FUT9: variants seen among roughly 807,000 people sequenced by gnomAD.
FUT9 encodes the protein 4-galactosyl-N-acetylglucosaminide 3-alpha-L-fucosyltransferase 9.
FUT9 carries 15 observed loss-of-function variants against 29.7 expected under a neutral mutation model. The observed-to-expected ratio is 0.51, with a 90% CI of 0.34 to 0.78. The LOEUF is 0.78. FUT9 is among the 30% of genes least tolerant of loss of function. The pLI, the probability that FUT9 is intolerant of heterozygous loss-of-function variation, is 0.01. For synonymous variants in FUT9, 169 were observed against 153.7 expected (o/e 1.10, Z -0.74); for missense variants, 319 against 425.4 (o/e 0.75, Z 2.20).
intron 1 of FUT9, among the ~76,000 whole-genome samples, chr6:96,040,810 C>A (rs962017837): frequency 6.6e-6 from 1 of 152,008 alleles, no homozygotes; most frequent in African/African-American, 2.4e-5. Flanking sequence ...GTAACATTCA[C>A]CAAGACACTG....
intron 2 of FUT9, among the ~76,000 whole-genome samples, chr6:96,129,280 AAAAAAAAAAAAAC>A (rs1424003133): frequency 1.5e-4 from 13 of 85,178 alleles, no homozygotes; most frequent in South Asian, 1.2e-3. Flanking sequence ...AAAAAAAAAA[AAAAAAAAAAAAAC>A]AAACAACCAG....
chr6:96,180,603 C>G (rs1223722629), intron 2 of FUT9, among the ~76,000 whole-genome samples: 1 of 151,944 alleles, frequency 6.6e-6, no homozygotes, highest in Non-Finnish European at 1.5e-5. Flanking sequence ...AATTCACCAA[C>G]CTTTGGCTAT....
At chr6:96,022,508 T>A (rs760957645) in intron 1 of FUT9, among the ~76,000 whole-genome samples, 21 of 152,106 alleles carry the variant, frequency 1.4e-4, no homozygotes, top group Admixed American at 9.2e-4. Context: ...GTAGTTTTTT[T>A]GCTTTTGTTA....
intron 1 of FUT9, among the ~76,000 whole-genome samples, chr6:96,018,391 T>C (rs1249395345): frequency 6.6e-6 from 1 of 152,148 alleles, no homozygotes; most frequent in African/African-American, 2.4e-5. Flanking sequence ...CTCAGAATTA[T>C]CTATGAGAAT....
rs527421412 is a variant in FUT9 at position 96,093,470 on chromosome 6, G to A, written c.-97-20569G>A. 2.4e-3 allele frequency among the ~76,000 whole-genome samples: 363 copies of A among 152,084 alleles called. 1 individual carries two copies. The highest frequency in any genetic ancestry group is 8.6e-3 in the African/African-American group (355 of 41,512). On this transcript the variant is annotated intron_variant, in intron 1 of 2. Transcript: ENST00000302103. ...ATTGACAGTATCCTCTAGAAGTATG[G>A]GCATTGAAGCATTTAAGACCAGAGG...
chr6:96,109,317 C>T (rs1253625142), intron 1 of FUT9, among the ~76,000 whole-genome samples: 1 of 152,020 alleles, frequency 6.6e-6, no homozygotes, highest in African/African-American at 2.4e-5. Context: ...TTTCTTTGTT[C>T]TTTTATATTT....
intron 1 of FUT9, among the ~76,000 whole-genome samples, chr6:96,024,249 T>C (rs1426831151): frequency 6.6e-6 from 1 of 151,838 alleles, no homozygotes; most frequent in Non-Finnish European, 1.5e-5. Context: ...CCCAACATTC[T>C]TGGATAGGTG....
intron 2 of FUT9, among the ~76,000 whole-genome samples, chr6:96,171,506 T>C (rs1272973513): frequency 2.0e-5 from 3 of 150,738 alleles, no homozygotes; most frequent in Admixed American, 2.0e-4. Flanking sequence ...GACACAATAG[T>C]TGTCTGAGAC....
chr6:96,038,400 C>T (rs1339948260), intron 1 of FUT9, among the ~76,000 whole-genome samples: 1 of 152,118 alleles, frequency 6.6e-6, no homozygotes, highest in Non-Finnish European at 1.5e-5. Context: ...AGCCAAAACC[C>T]ATTTTTAATT....
In FUT9 at chr6:96,091,425, G is replaced by T. The variant is rs558306706; in HGVS notation, c.-97-22614G>T. On this transcript the variant is annotated intron_variant, in intron 1 of 2. Transcript: ENST00000302103. ...GACTAATGAGTCAATAACAACGCAT[G>T]AATCTTCATTATCATATCTTGGATC... Among the ~76,000 whole-genome samples, 6 of 152,128 alleles carry T rather than the reference G, an allele frequency of 3.9e-5. No individual in the cohort carries two copies. The South Asian group carries it at 1.0e-3, about 26-fold the overall frequency.
At position 96,134,660 on chromosome 6, in the gene FUT9, G is replaced by A. The variant is rs542169806; in HGVS notation, c.-9+20533G>A. 1.0e-3 allele frequency among the ~76,000 whole-genome samples: 156 copies of A among 151,672 alleles called. 1 individual carries two copies. The highest frequency in any genetic ancestry group is 3.4e-3 in the African/African-American group (140 of 41,442). ...ACAATAATTATTACAATAATCCCACGAAACAGATACATCATTAACTACATT... is the reference window on the plus strand; with the variant it reads ...ACAATAATTATTACAATAATCCCACAAAACAGATACATCATTAACTACATT... On this transcript the variant is annotated intron_variant, in intron 2 of 2. Coordinates refer to ENST00000302103, the MANE Select transcript of FUT9 (RefSeq NM_006581.4).
chr6:96,147,791 C>A (rs892833019), intron 2 of FUT9, among the ~76,000 whole-genome samples: 2 of 150,722 alleles, frequency 1.3e-5, no homozygotes, highest in African/African-American at 4.9e-5. Context: ...GACATCCAGC[C>A]ATGACGGATT....
At chr6:96,081,983 C>T (rs2127951074) in intron 1 of FUT9, among the ~76,000 whole-genome samples, 1 of 151,764 alleles carries the variant, frequency 6.6e-6, no homozygotes, top group South Asian at 2.1e-4. Flanking sequence ...CTGAAATGTA[C>T]ATTTGGTCAT....
intron 1 of FUT9, among the ~76,000 whole-genome samples, chr6:96,085,105 G>A (rs942906571): frequency 1.3e-5 from 2 of 152,070 alleles, no homozygotes; most frequent in Non-Finnish European, 2.9e-5. Context: ...TAAAAATACA[G>A]TACAGCAAAA....
Position 96,203,647 on chromosome 6 carries a change from C to A in FUT9, c.492C>A (p.Ile164=). The A allele has an allele frequency of 1.9e-6, 3 of 1,614,002 alleles. No homozygotes were observed. The highest frequency in any genetic ancestry group is 1.1e-5 in the South Asian group (1 of 91,086). ...LTLTYRRDSD[I]QVPYGFLTVS... is the part of the protein sequence containing the mutation. Reference sequence around the variant, plus strand: ...TGACTTACCGCCGTGATTCAGATATCCAAGTGCCTTATGGCTTCTTGACGG... The same window carrying A: ...TGACTTACCGCCGTGATTCAGATATACAAGTGCCTTATGGCTTCTTGACGG... The change falls in exon 3 of 3, where the codon ATC becomes ATA. Residue 164 remains isoleucine (I), a synonymous_variant. Transcript: ENST00000302103.
chr6:96,166,572 A>G (rs1773019723), intron 2 of FUT9, among the ~76,000 whole-genome samples: 1 of 152,156 alleles, frequency 6.6e-6, no homozygotes, highest in Non-Finnish European at 1.5e-5. Context: ...TAATTCTGGA[A>G]TGCCATTGGT....
chr6:96,153,176 C>T (rs4240599), intron 2 of FUT9, among the ~76,000 whole-genome samples: 138,799 of 152,200 alleles, frequency 0.91, 64,656 homozygotes, highest in Non-Finnish European at 1. Flanking sequence ...GTTGGCAAGA[C>T]AAATTTTTAA....
chr6:96,024,058 T>C (rs1187517832), intron 1 of FUT9, among the ~76,000 whole-genome samples: 1 of 151,864 alleles, frequency 6.6e-6, no homozygotes, highest in Non-Finnish European at 1.5e-5. Flanking sequence ...GTACATGGAA[T>C]TGGCCCAAAG....
intron 1 of FUT9, among the ~76,000 whole-genome samples, chr6:96,107,544 A>G (rs1771714741): frequency 6.6e-6 from 1 of 152,220 alleles, no homozygotes; most frequent in South Asian, 2.1e-4. Flanking sequence ...AAAAGAACAA[A>G]GCAGCTTTCC....
Sources: allele counts gnomAD v4.1 joint callset (sites outside exome capture counted in the v4.1 genomes callset), GRCh38; gene constraint gnomAD v4.1.1; transcripts MANE v1.5; gene names NCBI Gene and HGNC (gene_info 2026-07-23, HGNC 2026-07-21).